Variants in GLIS3 observed in about 807,000 individuals in gnomAD.
The protein encoded by GLIS3 is zinc finger protein GLIS3.
GLIS3 carries 53 observed loss-of-function variants against 78.6 expected under a neutral mutation model. That is an observed-to-expected ratio of 0.67 (90% confidence interval 0.54 to 0.85). GLIS3 has a LOEUF of 0.85. Among genes scored for constraint, GLIS3 ranks in the 40% least tolerant of loss-of-function variants. The pLI, the probability that GLIS3 is intolerant of heterozygous loss-of-function variation, is 0.00. For synonymous variants in GLIS3, 684 were observed against 509.9 expected (o/e 1.34, Z -4.60); for missense variants, 1,703 against 1,231.1 (o/e 1.38, Z -5.74).
intron 6 of GLIS3, 119 bp downstream of exon 6, chr9:3,932,241 C>G: frequency 1.3e-6 from 1 of 768,698 alleles, no homozygotes; most frequent in South Asian, 1.4e-5. Flanking sequence ...CTCAAACGGT[C>G]TAAAGCAGGT....
the GLIS3 span, among the ~76,000 whole-genome samples, chr9:4,439,365 C>T: frequency 6.6e-6 from 1 of 152,140 alleles, no homozygotes; most frequent in Non-Finnish European, 1.5e-5. Context: ...GAACGTTTTC[C>T]TCATCCAATA....
At chr9:4,465,548 C>G in the GLIS3 span, among the ~76,000 whole-genome samples, 1 of 150,328 alleles carries the variant, frequency 6.7e-6, no homozygotes, top group East Asian at 1.9e-4. Flanking sequence ...GACTCCGACT[C>G]AAAAAAATAT....
chr9:4,304,772 C>T (rs368998521), upstream of GLIS3, among the ~76,000 whole-genome samples: 1 of 152,154 alleles, frequency 6.6e-6, no homozygotes, highest in African/African-American at 2.4e-5. Context: ...CAACTCACCT[C>T]AAGTCTTAAA....
chr9:3,989,211 C>T (rs1820016344), intron 4 of GLIS3, among the ~76,000 whole-genome samples: 1 of 152,026 alleles, frequency 6.6e-6, no homozygotes, highest in South Asian at 2.1e-4. Context: ...TACTACATGC[C>T]TATCAGAATA....
intron 2 of GLIS3, among the ~76,000 whole-genome samples, chr9:4,218,628 G>C (rs998636077): frequency 6.6e-6 from 1 of 152,118 alleles, no homozygotes; most frequent in African/African-American, 2.4e-5. Context: ...GTCCAATCTG[G>C]TAGATACCAC....
the GLIS3 span, among the ~76,000 whole-genome samples, chr9:4,443,038 C>T: frequency 6.6e-6 from 1 of 152,158 alleles, no homozygotes; most frequent in Non-Finnish European, 1.5e-5. Context: ...CAAGCATTTG[C>T]CAGGATGTAG....
At chr9:4,462,085 T>C in the GLIS3 span, among the ~76,000 whole-genome samples, 17 of 152,222 alleles carry the variant, frequency 1.1e-4, no homozygotes, top group African/African-American at 4.1e-4. Context: ...AGAACAATAA[T>C]TCTCAGATTA....
At chr9:4,030,590 T>G (rs930532840) in intron 4 of GLIS3, among the ~76,000 whole-genome samples, 1 of 152,218 alleles carries the variant, frequency 6.6e-6, no homozygotes, top group African/African-American at 2.4e-5. Context: ...ATTTAAGTCT[T>G]TAAGCCATTT....
intron 4 of GLIS3, among the ~76,000 whole-genome samples, chr9:3,988,815 A>G (rs959687470): frequency 8.6e-5 from 13 of 150,990 alleles, no homozygotes; most frequent in African/African-American, 2.9e-4. Flanking sequence ...ACTTTCAGGG[A>G]AAAAAAAAGC....
chr9:4,102,667 C>T (rs999909185), intron 4 of GLIS3, among the ~76,000 whole-genome samples: 2 of 151,914 alleles, frequency 1.3e-5, no homozygotes, highest in African/African-American at 2.4e-5. Flanking sequence ...AAAGCACTGC[C>T]GTAACTAGTA....
chr9:3,991,848 G>A (rs974277408), intron 4 of GLIS3, among the ~76,000 whole-genome samples: 5 of 151,992 alleles, frequency 3.3e-5, no homozygotes, highest in East Asian at 3.9e-4. Context: ...CTGCAACCAT[G>A]CCTGGCTAAT....
chr9:3,877,237 T>TA (rs906461124), intron 8 of GLIS3, among the ~76,000 whole-genome samples: 13 of 149,990 alleles, frequency 8.7e-5, no homozygotes, highest in African/African-American at 2.9e-4. Flanking sequence ...GAAAACTATA[T>TA]AAAATGCATT....
At chr9:4,240,157 T>C (rs2129682263) in intron 2 of GLIS3, among the ~76,000 whole-genome samples, 1 of 141,946 alleles carries the variant, frequency 7.0e-6, no homozygotes, top group African/African-American at 2.6e-5. Context: ...CAGGGACCAG[T>C]TTCATGGAAG....
At chr9:4,111,186 A>C (rs1240209784) in intron 4 of GLIS3, among the ~76,000 whole-genome samples, 2 of 152,202 alleles carry the variant, frequency 1.3e-5, no homozygotes, top group African/African-American at 2.4e-5. Context: ...TTTTAAAGAC[A>C]TTATTTCAAG....
At chr9:4,108,326 G>C (rs773137412) in intron 4 of GLIS3, among the ~76,000 whole-genome samples, 3 of 152,112 alleles carry the variant, frequency 2.0e-5, no homozygotes, top group Non-Finnish European at 4.4e-5. Flanking sequence ...CTTTCCCACA[G>C]TTCTTTCCCA....
the GLIS3 span, among the ~76,000 whole-genome samples, chr9:4,485,953 C>T: frequency 6.6e-6 from 1 of 152,144 alleles, no homozygotes; most frequent in African/African-American, 2.4e-5. Context: ...AAACTCCTGA[C>T]CTCAGGAATC....
At chr9:4,266,653 T>A (rs1826040878) in intron 2 of GLIS3, among the ~76,000 whole-genome samples, 2 of 151,914 alleles carry the variant, frequency 1.3e-5, no homozygotes. Context: ...ACCTCATGCT[T>A]CTGGACTGTG....
intron 4 of GLIS3, among the ~76,000 whole-genome samples, chr9:4,086,683 G>A (rs1056259719): frequency 2.0e-5 from 3 of 152,198 alleles, no homozygotes; most frequent in African/African-American, 7.2e-5. Context: ...TTTTTACCAT[G>A]TAAATGTACC....
chr9:4,019,781 A>G (rs1298875462), intron 4 of GLIS3, among the ~76,000 whole-genome samples: 2 of 152,104 alleles, frequency 1.3e-5, no homozygotes, highest in African/African-American at 4.8e-5. Flanking sequence ...TGCCCAGGCT[A>G]GAGTGCAGTG....
Sources: gnomAD v4.1 joint callset for allele counts (sites outside exome capture counted in the v4.1 genomes callset) on GRCh38, gnomAD v4.1.1 for gene constraint, MANE v1.5 for transcripts, NCBI Gene and HGNC (gene_info 2026-07-23, HGNC 2026-07-21) for gene names.